Variants in LAPTM4B observed in about 807,000 individuals in gnomAD.
The protein encoded by LAPTM4B is lysosomal protein transmembrane 4 beta.
LAPTM4B carries 26 observed loss-of-function variants against 28.5 expected under a neutral mutation model. The observed-to-expected ratio is 0.91, with a 90% CI of 0.67 to 1.27. The LOEUF (loss-of-function observed/expected upper bound fraction) is 1.27. Ranked by LOEUF, LAPTM4B falls within the 50% of genes most tolerant of loss-of-function variation. LAPTM4B has a pLI of 0.00. For missense variants in LAPTM4B, 288 were observed against 285.8 expected (o/e 1.01, Z -0.06); for synonymous variants, 109 against 106.4 (o/e 1.02, Z -0.15).
chr8:97,789,572 G>T (rs904418276), intron 1 of LAPTM4B, among the ~76,000 whole-genome samples: 1 of 150,888 alleles, frequency 6.6e-6, no homozygotes, highest in Non-Finnish European at 1.5e-5. Flanking sequence ...TTATTGTCCA[G>T]GCTGGAGTGC....
At chr8:97,832,423 G>A (rs575223544) in intron 6 of LAPTM4B, among the ~76,000 whole-genome samples, 259 of 152,138 alleles carry the variant, frequency 1.7e-3, no homozygotes, top group Non-Finnish European at 3.1e-3. Context: ...GGTAGCGGTT[G>A]GTCAGTCTCT....
At chr8:97,786,022 T>G (rs1816394976) in intron 1 of LAPTM4B, among the ~76,000 whole-genome samples, 1 of 152,362 alleles carries the variant, frequency 6.6e-6, no homozygotes, top group East Asian at 1.9e-4. Flanking sequence ...ATCTTGGCCC[T>G]GAAGGAAGAG....
chr8:97,788,371 G>A, intron 1 of LAPTM4B: 1 of 317,516 alleles, frequency 3.1e-6, no homozygotes, highest in Non-Finnish European at 6.3e-6. Flanking sequence ...GCAAGAAGCG[G>A]AGTCAGGCAC....
Position 97,837,762 on chromosome 8 carries a change from TAG to T in LAPTM4B, c.603+12611_603+12612del, listed in dbSNP as rs1817284564. On this transcript the variant is annotated intron_variant, in intron 6 of 6. Transcript: ENST00000521545. ...CAGAGGGCCCAGGGGACGGTGAGGG[TAG>T]AAGGGGAGAGAAAGAAGATTCTTCA... Among the ~76,000 whole-genome samples the T allele has an allele frequency of 2.7e-5, 4 of 150,658 alleles. No individual in the cohort carries two copies. In the South Asian group the frequency reaches 6.4e-4, roughly 24 times the overall value.
At chr8:97,799,234 A>G (rs918165162) in intron 1 of LAPTM4B, among the ~76,000 whole-genome samples, 3 of 152,162 alleles carry the variant, frequency 2.0e-5, no homozygotes, top group African/African-American at 4.8e-5. Flanking sequence ...TAGCCAGACT[A>G]TTGTAGGTGT....
At chr8:97,840,885 A>G (rs1200040517) in intron 6 of LAPTM4B, among the ~76,000 whole-genome samples, 1 of 150,318 alleles carries the variant, frequency 6.7e-6, no homozygotes, top group African/African-American at 2.5e-5. Flanking sequence ...GTAGCTGGGC[A>G]GAGGCGCTTC....
chr8:97,835,095 C>T (rs1817240855), intron 6 of LAPTM4B, among the ~76,000 whole-genome samples: 1 of 152,182 alleles, frequency 6.6e-6, no homozygotes, highest in African/African-American at 2.4e-5. Context: ...AGAACTTCAC[C>T]ATGTGTAATA....
chr8:97,839,219 A>T (rs1256797106), intron 6 of LAPTM4B, among the ~76,000 whole-genome samples: 3 of 151,856 alleles, frequency 2.0e-5, no homozygotes, highest in Non-Finnish European at 4.4e-5. Flanking sequence ...GGTGAGATGG[A>T]GTTTTACTCT....
chr8:97,811,202 A>G (rs906926883), intron 2 of LAPTM4B, among the ~76,000 whole-genome samples: 9 of 152,194 alleles, frequency 5.9e-5, no homozygotes, highest in African/African-American at 1.9e-4. Flanking sequence ...CTAAAGCTAA[A>G]TATACATCTA....
intron 6 of LAPTM4B, among the ~76,000 whole-genome samples, chr8:97,850,667 C>T (rs1295808465): frequency 6.7e-6 from 1 of 149,960 alleles, no homozygotes; most frequent in Non-Finnish European, 1.5e-5. Context: ...CTTTCCCTTT[C>T]CACAAATCAC....
chr8:97,832,290 C>T (rs1817193024), intron 6 of LAPTM4B, among the ~76,000 whole-genome samples: 1 of 152,156 alleles, frequency 6.6e-6, no homozygotes, highest in African/African-American at 2.4e-5. Context: ...AACAGTGTGC[C>T]TCTTTTCTTC....
chr8:97,837,700 G>A (rs1786369800), intron 6 of LAPTM4B, among the ~76,000 whole-genome samples: 1 of 152,128 alleles, frequency 6.6e-6, no homozygotes. Flanking sequence ...AGCTCACAAC[G>A]AAACAGTTTT....
intron 6 of LAPTM4B, among the ~76,000 whole-genome samples, chr8:97,843,119 A>G (rs903423747): frequency 6.7e-6 from 1 of 149,066 alleles, no homozygotes; most frequent in African/African-American, 2.5e-5. Flanking sequence ...GACCTCAAGC[A>G]ATTCTCCCGG....
chr8:97,842,844 C>T (rs1303399913), intron 6 of LAPTM4B, among the ~76,000 whole-genome samples: 1 of 147,576 alleles, frequency 6.8e-6, no homozygotes, highest in Admixed American at 6.8e-5. Context: ...GTAAGGATAT[C>T]TTTTTCCTGC....
intron 1 of LAPTM4B, among the ~76,000 whole-genome samples, chr8:97,804,781 A>G (rs1563608039): frequency 6.6e-6 from 1 of 151,038 alleles, no homozygotes; most frequent in Non-Finnish European, 1.5e-5. Flanking sequence ...CAGTACTCAG[A>G]AGACAGGACT....
In LAPTM4B at chr8:97,775,872, G is replaced by T. The variant is rs754567791; in HGVS notation, c.-138G>T. On this transcript the variant is annotated 5_prime_UTR_variant, in exon 1 of 7. It adds an upstream start codon to the 5' untranslated region. Coordinates refer to ENST00000521545, the MANE Select transcript of LAPTM4B (RefSeq NM_018407.6). Reference sequence around the variant, plus strand: ...GAGCTCTCGGGGTATCGAGGAGGCAGGCCCGCGGGCGCACGGGCGAGCGGG... The same window carrying T: ...GAGCTCTCGGGGTATCGAGGAGGCATGCCCGCGGGCGCACGGGCGAGCGGG... The T allele has an allele frequency of 2.7e-6, 4 of 1,498,536 alleles. No individual in the cohort carries two copies. In the East Asian group the frequency reaches 8.4e-5, roughly 32 times the overall value. The allele number at this position is 1,498,536 out of a possible 1,614,324, so 92.8% of individuals were successfully genotyped here. A position where few individuals can be genotyped will look rare whatever the true frequency, so the allele number is the denominator to read the frequency against.
At chr8:97,807,026 C>T (rs1357721237) in intron 2 of LAPTM4B, among the ~76,000 whole-genome samples, 5 of 152,266 alleles carry the variant, frequency 3.3e-5, no homozygotes, top group African/African-American at 1.2e-4. Flanking sequence ...TGAGGCCTCC[C>T]CAGCCATGTG....
At chr8:97,784,450 T>C (rs1284181490) in intron 1 of LAPTM4B, among the ~76,000 whole-genome samples, 1 of 152,214 alleles carries the variant, frequency 6.6e-6, no homozygotes, top group Non-Finnish European at 1.5e-5. Context: ...TGTTTTGTTT[T>C]GTTTTTTGAG....
At chr8:97,804,683 A>G (rs2438214) in intron 1 of LAPTM4B, among the ~76,000 whole-genome samples, 151,964 of 152,320 alleles carry the variant, frequency 1, 75,810 homozygotes, top group Middle Eastern at 1. Flanking sequence ...CATTTTTTAA[A>G]TTAGAGAACA....
Sources: gnomAD v4.1 joint callset for allele counts (sites outside exome capture counted in the v4.1 genomes callset) on GRCh38, gnomAD v4.1.1 for gene constraint, MANE v1.5 for transcripts, NCBI Gene and HGNC (gene_info 2026-07-23, HGNC 2026-07-21) for gene names.